The following DEPDC4 variants were observed in gnomAD, a reference collection of about 807,000 sequenced individuals.
DEPDC4 encodes DEP domain containing 4.
In DEPDC4, 52 loss-of-function variants were observed where a neutral mutation model predicts 52.0. The observed-to-expected ratio is 1.00, with a 90% CI of 0.80 to 1.26. DEPDC4 has a LOEUF of 1.26. Ranked by LOEUF, DEPDC4 falls within the 50% of genes most tolerant of loss-of-function variation. The pLI, the probability that DEPDC4 is intolerant of heterozygous loss-of-function variation, is 0.00. For synonymous variants in DEPDC4, 201 were observed against 196.8 expected (o/e 1.02, Z -0.18); for missense variants, 530 against 546.9 (o/e 0.97, Z 0.31).
chr12:100,249,668 T>C (rs2096199916), intron 7 of DEPDC4, among the ~76,000 whole-genome samples: 1 of 152,220 alleles, frequency 6.6e-6, no homozygotes, highest in Non-Finnish European at 1.5e-5. Context: ...AGCTCCTTCA[T>C]CCTGGCTCGC....
chr12:100,267,345 G>C, upstream of DEPDC4: 1 of 339,872 alleles, frequency 2.9e-6, no homozygotes, highest in South Asian at 6.4e-5. Context: ...GCGTTTATTA[G>C]GGGGGCGGGG....
At chr12:100,280,664 T>C in the DEPDC4 span, among the ~76,000 whole-genome samples, 11 of 152,188 alleles carry the variant, frequency 7.2e-5, no homozygotes, top group Admixed American at 3.3e-4. Flanking sequence ...TCCAAAAATC[T>C]GAAATGCTCC....
At chr12:100,270,885 T>TACCCAA (rs2096286910), upstream of DEPDC4, among the ~76,000 whole-genome samples, 1 of 152,098 alleles carries the variant, frequency 6.6e-6, no homozygotes, top group African/African-American at 2.4e-5. Flanking sequence ...CATGGTGCTT[T>TACCCAA]TCATCTAGTA....
chr12:100,243,632 A>C (rs2096169815), intron 8 of DEPDC4, among the ~76,000 whole-genome samples: 1 of 151,652 alleles, frequency 6.6e-6, no homozygotes, highest in South Asian at 2.1e-4. Flanking sequence ...GCCTGCCTCC[A>C]CCAGCATCTC....
downstream of DEPDC4, among the ~76,000 whole-genome samples, chr12:100,238,463 CT>C (rs904206161): frequency 7.6e-6 from 1 of 130,742 alleles, no homozygotes; most frequent in Admixed American, 7.8e-5. Context: ...CCCAGCCTTT[CT>C]TTTTTTTTAA....
At position 100,263,751 on chromosome 12, in the gene DEPDC4, G is replaced by T. The variant is rs1447610803; in HGVS notation, c.300C>A (p.Val100=). 4 of 1,613,972 alleles carry T rather than the reference G, an allele frequency of 2.5e-6. No individual in the cohort carries two copies. Among genetic ancestry groups the T allele is most frequent in the Non-Finnish European group, 3.4e-6 (4 of 1,180,032 alleles). ...ACGTGTTTTGCATAAGATGACTTAA[G>T]ACCACATCGACAGCATCAGAACCAG... is the stretch of plus-strand genomic sequence containing the variant. ...CFTGSDAVDV[V]LSHLMQNTCL... is the part of the protein sequence containing the mutation. The change falls in exon 2 of 10, where the codon GTC becomes GTA. Residue 100 remains valine (V), a synonymous_variant. Transcript: ENST00000550587.
At chr12:100,239,820 T>C (rs2096151611), downstream of DEPDC4, among the ~76,000 whole-genome samples, 2 of 152,116 alleles carry the variant, frequency 1.3e-5, no homozygotes, top group South Asian at 4.1e-4. Context: ...GGCAGGAGGA[T>C]TGCTTGAGGC....
At chr12:100,257,337 C>G (rs1157389285) in intron 3 of DEPDC4, among the ~76,000 whole-genome samples, 2 of 152,184 alleles carry the variant, frequency 1.3e-5, no homozygotes, top group African/African-American at 4.8e-5. Flanking sequence ...CTTGGCCTCC[C>G]AAAGTGCTGG....
chr12:100,274,254 A>G, the DEPDC4 span, among the ~76,000 whole-genome samples: 2 of 152,254 alleles, frequency 1.3e-5, no homozygotes, highest in Non-Finnish European at 2.9e-5. Flanking sequence ...TGTGTATCCA[A>G]TAATTTTGAA....
intron 8 of DEPDC4, among the ~76,000 whole-genome samples, chr12:100,247,509 C>T (rs115907711): frequency 0.024 from 3,612 of 152,150 alleles, 60 homozygotes; most frequent in African/African-American, 0.04. Context: ...CCCAGCCTAG[C>T]ATATATTGTT....
At chr12:100,281,497 C>G in the DEPDC4 span, among the ~76,000 whole-genome samples, 2 of 152,046 alleles carry the variant, frequency 1.3e-5, no homozygotes, top group Non-Finnish European at 2.9e-5. Context: ...TTGAGACCAG[C>G]CTGGGCAGCA....
Position 100,251,031 on chromosome 12 carries a change from G to GA in DEPDC4, c.1374+1144dup, listed in dbSNP as rs374433657. On this transcript the variant is annotated intron_variant, in intron 7 of 9. Coordinates refer to ENST00000550587, the MANE Select transcript of DEPDC4 (RefSeq NM_001364818.2). Reference sequence around the variant, plus strand: ...TACCACCTTTTTCTTGTAAATAATGGAAAAAAAAGTTCAGTTAAGGTCACA... The same window carrying GA: ...TACCACCTTTTTCTTGTAAATAATGGAAAAAAAAAGTTCAGTTAAGGTCACA... Among the ~76,000 whole-genome samples, 39 of 151,696 alleles carry GA rather than the reference G, an allele frequency of 2.6e-4. 1 individual carries two copies. In the South Asian group the frequency reaches 7.1e-3, roughly 28 times the overall value.
intron 4 of DEPDC4, 53 bp downstream of exon 4, chr12:100,255,996 A>G: frequency 7.3e-7 from 1 of 1,377,752 alleles, no homozygotes; most frequent in Non-Finnish European, 1.0e-6. Flanking sequence ...CTAAGGGCAA[A>G]TATGTGAAAA....
chr12:100,264,129 T>C (rs1456205467), intron 1 of DEPDC4, among the ~76,000 whole-genome samples: 2 of 152,240 alleles, frequency 1.3e-5, no homozygotes, highest in African/African-American at 2.4e-5. Flanking sequence ...AATACATTAT[T>C]ATATGAATTT....
intron 3 of DEPDC4, among the ~76,000 whole-genome samples, chr12:100,257,452 C>T (rs117535807): frequency 0.014 from 2,159 of 151,602 alleles, 17 homozygotes; most frequent in Non-Finnish European, 0.021. Context: ...AATGGCACAC[C>T]ACAGCCTCTG....
chr12:100,263,564 T>C lies in DEPDC4; in HGVS notation c.487A>G (p.Asn163Asp), dbSNP rs2096261368. 6.2e-7 allele frequency: 1 copy of C among 1,609,564 alleles called. No individual in the cohort carries two copies. The highest frequency in any genetic ancestry group is 8.5e-7 in the Non-Finnish European group (1 of 1,178,862). Reference protein sequence around the residue: ...SNISLYRFLGNKSSYDCCKRQ... With the variant: ...SNISLYRFLGDKSSYDCCKRQ... Reference sequence around the variant, plus strand: ...TTGCAACAATCGTAAGATGATTTATTGCCTAGAAACCTGTAGAGACTAATG... The same window carrying C: ...TTGCAACAATCGTAAGATGATTTATCGCCTAGAAACCTGTAGAGACTAATG... Residue 163 changes from asparagine (N) to aspartate (D), a missense_variant, in exon 2 of 10, where the codon AAT becomes GAT. Asn to Asp is a conservative substitution (Grantham distance 23). Coordinates refer to ENST00000550587, the MANE Select transcript of DEPDC4 (RefSeq NM_001364818.2).
chr12:100,259,081 A>AATATAT (rs1555312802), intron 3 of DEPDC4, among the ~76,000 whole-genome samples: 14 of 149,178 alleles, frequency 9.4e-5, no homozygotes, highest in African/African-American at 3.5e-4. Context: ...AAAAAAAAAA[A>AATATAT]ATATATATAT....
chr12:100,231,850 C>T (rs1171623425), intron 9 of DEPDC4, among the ~76,000 whole-genome samples: 4 of 151,500 alleles, frequency 2.6e-5, no homozygotes, highest in Admixed American at 1.3e-4. Flanking sequence ...GAGGCTGAGG[C>T]GGGAGAGTCG....
At chr12:100,262,443 T>C (rs1461168318) in intron 2 of DEPDC4, 34 bp from the exon 3 acceptor site, 39 of 1,494,206 alleles carry the variant, frequency 2.6e-5, no homozygotes, top group Non-Finnish European at 3.4e-5. Flanking sequence ...CTTTTCATTA[T>C]ACACAGAACC....
Sources: allele counts gnomAD v4.1 joint callset (sites outside exome capture counted in the v4.1 genomes callset), GRCh38; gene constraint gnomAD v4.1.1; transcripts MANE v1.5; gene names NCBI Gene and HGNC (gene_info 2026-07-23, HGNC 2026-07-21).